COPG2: variants seen among roughly 807,000 people sequenced by gnomAD.
COPG2 encodes coatomer subunit gamma-2.
Under a neutral mutation model 46.3 loss-of-function variants are expected in COPG2, and 37 were observed. That is an observed-to-expected ratio of 0.80 (90% CI 0.61 to 1.05). COPG2 has a LOEUF of 1.05. Among genes scored for constraint, COPG2 ranks in the 50% least tolerant of loss-of-function variants. COPG2 has a pLI of 0.00. For synonymous variants in COPG2, 159 were observed against 129.7 expected, an observed-to-expected ratio of 1.23 and a Z score of -1.53; for missense variants, 427 against 387.8, an observed-to-expected ratio of 1.10 and a Z score of -0.85.
At chr7:130,610,534 G>C (rs905796784) in intron 9 of COPG2, 2 of 520,244 alleles carry the variant, frequency 3.8e-6, no homozygotes, top group Non-Finnish European at 7.7e-6. Flanking sequence ...TCGAAAGACT[G>C]CTAAAGTATA....
chr7:130,606,482 A>C (rs1554451275), intron 9 of COPG2, among the ~76,000 whole-genome samples: 1 of 152,162 alleles, frequency 6.6e-6, no homozygotes, highest in African/African-American at 2.4e-5. Flanking sequence ...AAAACACATT[A>C]ATGTAAACTT....
At chr7:130,612,971 T>C (rs182644141) in intron 7 of COPG2, among the ~76,000 whole-genome samples, 1 of 152,352 alleles carries the variant, frequency 6.6e-6, no homozygotes, top group Non-Finnish European at 1.5e-5. Flanking sequence ...ACCCCTCTTT[T>C]ATTATGTGTA....
At chr7:130,636,152 T>C (rs9656394) in intron 5 of COPG2, among the ~76,000 whole-genome samples, 120,803 of 152,038 alleles carry the variant, frequency 0.79, 48,299 homozygotes, top group Non-Finnish European at 0.85. Context: ...ATATGTCCAA[T>C]GTGGTGTGGA....
chr7:130,541,009 G>A (rs1799930237), intron 20 of COPG2, among the ~76,000 whole-genome samples: 1 of 152,182 alleles, frequency 6.6e-6, no homozygotes, highest in Admixed American at 6.5e-5. Flanking sequence ...CTGCATTCTC[G>A]GGTGAGAATC....
intron 20 of COPG2, chr7:130,509,746 G>A (rs1186076314): frequency 1.2e-5 from 6 of 519,118 alleles, no homozygotes; most frequent in Admixed American, 1.9e-5. Flanking sequence ...ATAAGTGTGT[G>A]GGCTGTGTGT....
intron 5 of COPG2, among the ~76,000 whole-genome samples, chr7:130,646,306 T>C (rs575792706): frequency 2.6e-5 from 4 of 152,334 alleles, no homozygotes; most frequent in South Asian, 2.1e-4. Flanking sequence ...ATGGTTAACA[T>C]TGTCTCATCC....
chr7:130,527,755 A>G (rs901468934), intron 20 of COPG2, among the ~76,000 whole-genome samples: 3 of 152,208 alleles, frequency 2.0e-5, no homozygotes, highest in South Asian at 2.1e-4. Context: ...GGGCTGATGG[A>G]GGCATCAGGG....
At chr7:130,614,622 G>C (rs1479083077) in intron 6 of COPG2, among the ~76,000 whole-genome samples, 1 of 152,134 alleles carries the variant, frequency 6.6e-6, no homozygotes, top group Non-Finnish European at 1.5e-5. Flanking sequence ...TCAGACACAG[G>C]TGGATATAAG....
chr7:130,667,009 T>C, intron 2 of COPG2, 80 bp from the exon 3 acceptor site: 1 of 711,042 alleles, frequency 1.4e-6, no homozygotes, highest in Non-Finnish European at 2.3e-6. Context: ...TAATACAGAC[T>C]ATTTTTAATC....
intron 9 of COPG2, among the ~76,000 whole-genome samples, chr7:130,573,068 T>TA: frequency 6.6e-6 from 1 of 151,898 alleles, no homozygotes. Flanking sequence ...TATGAGGAAC[T>TA]ATTATGAACA....
At chr7:130,572,794 A>G (rs1318528794) in intron 9 of COPG2, among the ~76,000 whole-genome samples, 3 of 151,962 alleles carry the variant, frequency 2.0e-5, no homozygotes, top group African/African-American at 7.2e-5. Context: ...AGGCTTCCAC[A>G]TGAAGAAATT....
At chr7:130,515,108 C>A (rs1251175816) in intron 20 of COPG2, among the ~76,000 whole-genome samples, 3 of 152,030 alleles carry the variant, frequency 2.0e-5, no homozygotes, top group African/African-American at 4.8e-5. Context: ...AATTCTTTTC[C>A]CCTCCCCCAG....
chr7:130,517,950 T>C (rs1799692605), intron 20 of COPG2, among the ~76,000 whole-genome samples: 1 of 152,200 alleles, frequency 6.6e-6, no homozygotes, highest in African/African-American at 2.4e-5. Flanking sequence ...ATGAGTGGTG[T>C]AGATGGTGAA....
chr7:130,573,459 T>C (rs1422579132), intron 9 of COPG2, among the ~76,000 whole-genome samples: 1 of 152,024 alleles, frequency 6.6e-6, no homozygotes, highest in Non-Finnish European at 1.5e-5. Flanking sequence ...ATCAGCAAAC[T>C]GAATCCAGTA....
At chr7:130,558,153 G>A (rs932989533) in intron 12 of COPG2, among the ~76,000 whole-genome samples, 1 of 152,028 alleles carries the variant, frequency 6.6e-6, no homozygotes, top group African/African-American at 2.4e-5. Context: ...TTTAGATAAG[G>A]TAATGTGGTT....
rs369586315 is a variant in COPG2, at chr7:130,590,869, C to T, written c.737+20084G>A. On this transcript the variant is annotated intron_variant, in intron 9 of 23. Transcript: ENST00000425248. Reference sequence around the variant, plus strand: ...GAGGAGCGTCTCTGCCCAGCCGCCCCGTCTGAGAAGTGAGGAGACCCTCTG... The same window carrying T: ...GAGGAGCGTCTCTGCCCAGCCGCCCTGTCTGAGAAGTGAGGAGACCCTCTG... Among the ~76,000 whole-genome samples, 21 of 151,966 alleles carry T rather than the reference C, an allele frequency of 1.4e-4. 1 individual carries two copies. In the East Asian group the frequency reaches 2.6e-3, roughly 18 times the overall value.
intron 20 of COPG2, among the ~76,000 whole-genome samples, chr7:130,517,528 A>C (rs914186729): frequency 6.6e-6 from 1 of 152,224 alleles, no homozygotes. Context: ...AGTTTTATTA[A>C]GATGAATTCT....
chr7:130,604,523 T>C (rs2116487860), intron 9 of COPG2, among the ~76,000 whole-genome samples: 1 of 152,336 alleles, frequency 6.6e-6, no homozygotes, highest in Non-Finnish European at 1.5e-5. Flanking sequence ...TGACTTCGGA[T>C]ATTGACCAGC....
rs892647277 is a variant in COPG2 at position 130,516,916 on chromosome 7, G to A, written c.2150-8257C>T. Reference sequence around the variant, plus strand: ...CCTATGAAAGTGTAGGCAGATCTGAGAGCACAGACAAATACAGTGGAGAAT... The same window carrying A: ...CCTATGAAAGTGTAGGCAGATCTGAAAGCACAGACAAATACAGTGGAGAAT... On this transcript the variant is annotated intron_variant, in intron 20 of 23. Transcript: ENST00000425248. Among the ~76,000 whole-genome samples, 300 of 152,300 alleles carry A rather than the reference G, an allele frequency of 2.0e-3. 3 individuals are homozygous for A. Among genetic ancestry groups the A allele is most frequent in the African/African-American group, 6.7e-3 (280 of 41,560 alleles).
Sources: gnomAD v4.1 joint callset for allele counts (sites outside exome capture counted in the v4.1 genomes callset) on GRCh38, gnomAD v4.1.1 for gene constraint, MANE v1.5 for transcripts, NCBI Gene and HGNC (gene_info 2026-07-23, HGNC 2026-07-21) for gene names.